RBMS3: variants seen among roughly 807,000 people sequenced by gnomAD.
RBMS3 encodes the protein RNA binding motif single stranded interacting protein 3.
Under a neutral mutation model 66.8 loss-of-function variants are expected in RBMS3, and 27 were observed. The ratio of observed to expected loss-of-function variants is 0.40; its 90% CI spans 0.30 to 0.56. The LOEUF is 0.56. Among genes scored for constraint, RBMS3 ranks in the 20% least tolerant of loss-of-function variants. The pLI, the probability that RBMS3 is intolerant of heterozygous loss-of-function variation, is 0.40. For missense variants in RBMS3, 513 were observed against 549.5 expected (o/e 0.93, Z 0.66); for synonymous variants, 188 against 183.0 (o/e 1.03, Z -0.22).
At chr3:29,312,904 A>T (rs1443565219) in intron 1 of RBMS3, among the ~76,000 whole-genome samples, 2 of 151,670 alleles carry the variant, frequency 1.3e-5, no homozygotes, top group Non-Finnish European at 3.0e-5. Flanking sequence ...TTGTGGATTC[A>T]GTTCTGCTTT....
intron 3 of RBMS3, among the ~76,000 whole-genome samples, chr3:29,521,237 A>G (rs1476566976): frequency 1.3e-5 from 2 of 152,192 alleles, no homozygotes; most frequent in African/African-American, 4.8e-5. Context: ...TATCTTCATA[A>G]CCCACAGAAC....
At chr3:29,389,653 A>T (rs1051683322) in intron 1 of RBMS3, among the ~76,000 whole-genome samples, 4 of 152,180 alleles carry the variant, frequency 2.6e-5, no homozygotes, top group African/African-American at 4.8e-5. Flanking sequence ...GCAAAAGTAT[A>T]TTCGTTGTTT....
At chr3:29,852,882 C>A (rs1287943565) in intron 6 of RBMS3, among the ~76,000 whole-genome samples, 3 of 152,026 alleles carry the variant, frequency 2.0e-5, no homozygotes, top group Non-Finnish European at 2.9e-5. Context: ...CAGCACTATT[C>A]AAAATAGCAA....
At chr3:29,809,781 T>G (rs1024503756) in intron 6 of RBMS3, among the ~76,000 whole-genome samples, 1 of 151,994 alleles carries the variant, frequency 6.6e-6, no homozygotes, top group Admixed American at 6.6e-5. Flanking sequence ...ATATTTCCTG[T>G]GAAGGCAGCA....
chr3:29,740,234 A>C (rs1188909945), intron 5 of RBMS3, among the ~76,000 whole-genome samples: 1 of 152,182 alleles, frequency 6.6e-6, no homozygotes, highest in South Asian at 2.1e-4. Flanking sequence ...AAAAGAGCCC[A>C]TGTGGTGAAC....
intron 3 of RBMS3, among the ~76,000 whole-genome samples, chr3:29,568,803 G>C (rs1254329553): frequency 6.6e-6 from 1 of 152,186 alleles, no homozygotes; most frequent in Non-Finnish European, 1.5e-5. Context: ...GTTTGGAGGA[G>C]TGTTTGGCAA....
intron 4 of RBMS3, among the ~76,000 whole-genome samples, chr3:29,636,287 C>G (rs1360964151): frequency 6.6e-6 from 1 of 151,808 alleles, no homozygotes. Context: ...CCGTGTAAGA[C>G]AGAATTAATT....
chr3:29,406,311 C>T (rs1283454062), intron 1 of RBMS3, among the ~76,000 whole-genome samples: 1 of 152,084 alleles, frequency 6.6e-6, no homozygotes, highest in Non-Finnish European at 1.5e-5. Context: ...GTGAAAGAAA[C>T]AAATTACACG....
At chr3:29,991,681 G>A (rs1246141539) in intron 14 of RBMS3, 1 of 152,304 alleles carries the variant, frequency 6.6e-6, no homozygotes. Context: ...GAAAAAGCTT[G>A]ATATAGAGAG....
intron 3 of RBMS3, among the ~76,000 whole-genome samples, chr3:29,489,853 GC>G (rs1243519590): frequency 1.3e-5 from 2 of 151,508 alleles, no homozygotes; most frequent in African/African-American, 4.8e-5. Flanking sequence ...GACCAGCCTG[GC>G]CAACATGGTG....
At chr3:29,485,330 A>G (rs993722312) in intron 2 of RBMS3, among the ~76,000 whole-genome samples, 3 of 152,206 alleles carry the variant, frequency 2.0e-5, no homozygotes, top group Non-Finnish European at 4.4e-5. Flanking sequence ...AAACTCAAAA[A>G]TGTAATAAGC....
chr3:29,519,279 C>A (rs935237756), intron 3 of RBMS3, among the ~76,000 whole-genome samples: 1 of 152,006 alleles, frequency 6.6e-6, no homozygotes, highest in Non-Finnish European at 1.5e-5. Flanking sequence ...ATTATGAGGA[C>A]TAAATAAGGC....
At chr3:29,806,324 C>T (rs927097634) in intron 6 of RBMS3, among the ~76,000 whole-genome samples, 2 of 151,914 alleles carry the variant, frequency 1.3e-5, no homozygotes, top group African/African-American at 4.8e-5. Context: ...TGACAAAATG[C>T]TTCAGCTATG....
intron 4 of RBMS3, among the ~76,000 whole-genome samples, chr3:29,645,667 C>CACG (rs540153438): frequency 6.8e-4 from 104 of 152,224 alleles, no homozygotes; most frequent in African/African-American, 2.4e-3. Flanking sequence ...AAAAAGTCAG[C>CACG]TTCTGTAACA....
intron 12 of RBMS3, among the ~76,000 whole-genome samples, chr3:29,983,568 A>G (rs761901714): frequency 2.3e-4 from 34 of 151,014 alleles, no homozygotes; most frequent in Non-Finnish European, 3.5e-4. Context: ...TTTCCTTTCC[A>G]TATTTAGTAT....
chr3:29,797,692 G>T (rs2057246868), intron 6 of RBMS3: 1 of 152,114 alleles, frequency 6.6e-6, no homozygotes, highest in Non-Finnish European at 1.5e-5. Flanking sequence ...AGCTGTGAGG[G>T]TATTTATAAT....
chr3:29,474,076 C>T (rs1247979795), intron 2 of RBMS3, among the ~76,000 whole-genome samples: 2 of 152,252 alleles, frequency 1.3e-5, no homozygotes, highest in African/African-American at 4.8e-5. Flanking sequence ...ACTAGGATTA[C>T]AGGCATGAAC....
At chr3:29,739,517 G>T (rs1026968230) in intron 4 of RBMS3, among the ~76,000 whole-genome samples, 13 of 151,558 alleles carry the variant, frequency 8.6e-5, no homozygotes, top group African/African-American at 3.2e-4. Flanking sequence ...TGGATGGAGA[G>T]CTTGGCTTTC....
intron 5 of RBMS3, among the ~76,000 whole-genome samples, chr3:29,740,447 G>GA (rs569230262): frequency 7.6e-4 from 114 of 150,506 alleles, no homozygotes; most frequent in African/African-American, 2.5e-3. Flanking sequence ...CAGAACAGGG[G>GA]AAAAAAAAAT....
Sources: gnomAD v4.1 joint callset for allele counts (sites outside exome capture counted in the v4.1 genomes callset) on GRCh38, gnomAD v4.1.1 for gene constraint, MANE v1.5 for transcripts, NCBI Gene and HGNC (gene_info 2026-07-23, HGNC 2026-07-21) for gene names.